The following ARHGAP32 variants were observed in gnomAD, a reference collection of about 807,000 sequenced individuals.
ARHGAP32 encodes rho GTPase-activating protein 32.
ARHGAP32 carries 51 observed loss-of-function variants against 186.5 expected under a neutral mutation model. That is an observed-to-expected ratio of 0.27 (90% CI 0.22 to 0.35). ARHGAP32 has a LOEUF of 0.35. Ranked by LOEUF, ARHGAP32 falls within the 10% of genes least tolerant of loss-of-function variation. The pLI, the probability that ARHGAP32 is intolerant of heterozygous loss-of-function variation, is 1.00. For missense variants in ARHGAP32, 2,186 were observed against 2,623.5 expected (o/e 0.83, Z 3.64); for synonymous variants, 950 against 964.3 (o/e 0.99, Z 0.27).
At chr11:129,176,948 G>A (rs1349319288) in intron 1 of ARHGAP32, among the ~76,000 whole-genome samples, 8 of 151,826 alleles carry the variant, frequency 5.3e-5, no homozygotes, top group African/African-American at 1.9e-4. Context: ...GAGCAGAACT[G>A]AAGGAAATAG....
rs557735351 is a variant in ARHGAP32 at position 129,273,861 on chromosome 11, T to A, written c.-5+5285A>T. Among the ~76,000 whole-genome samples, 78 of 152,306 alleles carry A rather than the reference T, an allele frequency of 5.1e-4. 1 individual carries two copies. The highest frequency in any genetic ancestry group is 1.7e-3 in the African/African-American group (71 of 41,564). ...ATTCTCTCCTAGAGTATGATGCTTATCTTTTCAAACAGAGACAAATTGGAC... is the reference window on the plus strand; with the variant it reads ...ATTCTCTCCTAGAGTATGATGCTTAACTTTTCAAACAGAGACAAATTGGAC... On this transcript the variant is annotated intron_variant, in intron 1 of 6. Coordinates refer to the ARHGAP32 transcript ENST00000525234.
chr11:129,259,787 G>A (rs1213416068), intron 1 of ARHGAP32, among the ~76,000 whole-genome samples: 1 of 152,114 alleles, frequency 6.6e-6, no homozygotes, highest in African/African-American at 2.4e-5. Context: ...ATCACTTTGG[G>A]ATATGAATAT....
intron 10 of ARHGAP32, among the ~76,000 whole-genome samples, chr11:129,051,760 TC>T (rs778191856): frequency 5.3e-5 from 8 of 151,976 alleles, no homozygotes; most frequent in Non-Finnish European, 8.8e-5. Context: ...ATCGAGACCA[TC>T]CTGGCCAACA....
Position 129,123,587 on chromosome 11 carries a change from T to A in ARHGAP32, c.360-57A>T. 1.3e-6 allele frequency: 2 copies of A among 1,491,192 alleles called. No homozygotes were observed. Among genetic ancestry groups the A allele is most frequent in the Non-Finnish European group, 1.9e-6 (2 of 1,077,486 alleles). 92.4% of individuals were successfully genotyped at this position (1,491,192 alleles called of 1,614,324 possible). A position where few individuals can be genotyped will look rare whatever the true frequency, so the allele number is the denominator to read the frequency against. On this transcript the variant is annotated intron_variant, in intron 4 of 22. Transcript: ENST00000682385. This position sits in a 1 kb window ranked among gnomAD's most constrained non-coding sequence, Gnocchi z 4.6. ...TAGTGAAACAGTAAAAATTACTAAGTTTAAGGGAAAAATACAGTGGATTTA... is the reference window on the plus strand; with the variant it reads ...TAGTGAAACAGTAAAAATTACTAAGATTAAGGGAAAAATACAGTGGATTTA...
At chr11:129,093,839 GA>G (rs1317398652) in intron 5 of ARHGAP32, 132 bp from the exon 6 acceptor site, 2 of 651,798 alleles carry the variant, frequency 3.1e-6, no homozygotes, top group Non-Finnish European at 5.4e-6. Flanking sequence ...TATCTTATAT[GA>G]GAACTTCATT....
At chr11:129,059,128 T>C (rs1157576234) in intron 10 of ARHGAP32, among the ~76,000 whole-genome samples, 1 of 152,166 alleles carries the variant, frequency 6.6e-6, no homozygotes, top group Non-Finnish European at 1.5e-5. Flanking sequence ...AGAACGTTAA[T>C]AATCTGAGAG....
intron 11 of ARHGAP32, among the ~76,000 whole-genome samples, chr11:129,027,898 T>TA (rs1938932045): frequency 6.6e-6 from 1 of 152,220 alleles, no homozygotes; most frequent in Non-Finnish European, 1.5e-5. Flanking sequence ...TAGCACTTAG[T>TA]ATGCACTCGA....
chr11:129,064,609 G>A (rs1016574776), intron 8 of ARHGAP32, among the ~76,000 whole-genome samples: 10 of 151,878 alleles, frequency 6.6e-5, no homozygotes, highest in African/African-American at 2.2e-4. Flanking sequence ...CAAAATAACA[G>A]GTATCATCGA....
At chr11:129,174,270 G>T (rs974535065) in intron 1 of ARHGAP32, among the ~76,000 whole-genome samples, 5 of 152,336 alleles carry the variant, frequency 3.3e-5, no homozygotes, top group Non-Finnish European at 7.4e-5. Flanking sequence ...ATTATATCCC[G>T]CACATGGCTC....
chr11:129,166,085 A>G (rs534114300), intron 1 of ARHGAP32, among the ~76,000 whole-genome samples: 28 of 152,312 alleles, frequency 1.8e-4, no homozygotes, highest in Admixed American at 7.8e-4. Flanking sequence ...TGAAAAATAC[A>G]GTATCTGAAA....
In ARHGAP32 at chr11:128,968,756, A is replaced by G. The variant is rs777007326; in HGVS notation, c.*151T>C. 3.9e-4 allele frequency: 235 copies of G among 604,094 alleles called. No homozygotes were observed. The highest frequency in any genetic ancestry group is 5.6e-4 in the South Asian group (8 of 14,336). The allele number at this position is 604,094 out of a possible 1,614,324, so 37.4% of individuals were successfully genotyped here. On this transcript the variant is annotated 3_prime_UTR_variant, in exon 23 of 23. Transcript: ENST00000682385. ...AGGGGGTAATGAAGCAGGGAAGGGG[A>G]AAAAGATGCTGATTTGTTTACTTTT...
upstream of ARHGAP32, among the ~76,000 whole-genome samples, chr11:129,194,087 G>C (rs1944358755): frequency 6.6e-6 from 1 of 151,910 alleles, no homozygotes; most frequent in South Asian, 2.1e-4. Flanking sequence ...CATAGGCAAA[G>C]CTTTTAAAAG....
At chr11:129,009,838 T>TTGGGTATACACCCAGTAA (rs1340687032) in intron 11 of ARHGAP32, among the ~76,000 whole-genome samples, 2 of 151,920 alleles carry the variant, frequency 1.3e-5, no homozygotes, top group East Asian at 1.9e-4. Flanking sequence ...TTACATTTGT[T>TTGGGTATACACCCAGTAA]TGGGATTGCT....
intron 1 of ARHGAP32, among the ~76,000 whole-genome samples, chr11:129,178,376 T>G (rs1206649836): frequency 1.3e-5 from 2 of 151,322 alleles, no homozygotes; most frequent in East Asian, 3.9e-4. Context: ...CCCAAGGTAA[T>G]TTATAGATTC....
chr11:128,993,987 T>C (rs1188674649), intron 12 of ARHGAP32, among the ~76,000 whole-genome samples: 1 of 152,072 alleles, frequency 6.6e-6, no homozygotes, highest in Non-Finnish European at 1.5e-5. Flanking sequence ...AACACTGTAG[T>C]TTAACCTGCT....
At chr11:129,185,882 A>G (rs1231449982) in intron 1 of ARHGAP32, among the ~76,000 whole-genome samples, 1 of 152,140 alleles carries the variant, frequency 6.6e-6, no homozygotes, top group Admixed American at 6.6e-5. Flanking sequence ...TAGAGAAAAT[A>G]CATGTATGAT....
At chr11:128,988,358 TTAAG>T (rs1309267361) in intron 12 of ARHGAP32, among the ~76,000 whole-genome samples, 5 of 152,208 alleles carry the variant, frequency 3.3e-5, no homozygotes, top group African/African-American at 1.2e-4. Flanking sequence ...GTCATGATAT[TTAAG>T]TGAGTAAGAG....
At chr11:129,176,891 G>A (rs529615595) in intron 1 of ARHGAP32, among the ~76,000 whole-genome samples, 1 of 152,182 alleles carries the variant, frequency 6.6e-6, no homozygotes, top group African/African-American at 2.4e-5. Context: ...AAAAGCAAGA[G>A]CAAACACATT....
chr11:129,038,116 A>G (rs1053731161), intron 11 of ARHGAP32, among the ~76,000 whole-genome samples: 1 of 151,974 alleles, frequency 6.6e-6, no homozygotes, highest in Non-Finnish European at 1.5e-5. Context: ...AACGAACAAA[A>G]AAAGACATAT....
Sources: allele counts gnomAD v4.1 joint callset (sites outside exome capture counted in the v4.1 genomes callset), GRCh38; gene constraint gnomAD v4.1.1; non-coding constraint Gnocchi (gnomAD v3.1); transcripts MANE v1.5; gene names NCBI Gene and HGNC (gene_info 2026-07-23, HGNC 2026-07-21).